The following SLIT3 variants were observed in gnomAD, a reference collection of about 807,000 sequenced individuals.
SLIT3 encodes slit homolog 3 protein.
SLIT3 carries 68 observed loss-of-function variants against 184.0 expected under a neutral mutation model. That is an observed-to-expected ratio of 0.37 (90% CI 0.30 to 0.45). SLIT3 has a LOEUF of 0.45. Among genes scored for constraint, SLIT3 ranks in the 20% least tolerant of loss-of-function variants. The pLI is 1.00. For synonymous variants in SLIT3, 831 were observed against 828.6 expected (o/e 1.00, Z -0.05); for missense variants, 1,707 against 2,026.0 (o/e 0.84, Z 3.02).
intron 4 of SLIT3, among the ~76,000 whole-genome samples, chr5:169,049,040 G>C (rs954472023): frequency 6.6e-6 from 1 of 152,136 alleles, no homozygotes; most frequent in African/African-American, 2.4e-5. Context: ...AGAATAGTCG[G>C]GCAGTTTCTT....
intron 5 of SLIT3, among the ~76,000 whole-genome samples, chr5:168,872,002 T>A (rs1283244254): frequency 6.6e-6 from 1 of 152,174 alleles, no homozygotes; most frequent in Non-Finnish European, 1.5e-5. Context: ...TGGTCTTTTC[T>A]CTGAAGGAGA....
chr5:168,748,304 C>T lies in SLIT3; in HGVS notation c.2268G>A (p.Glu756=), dbSNP rs1427470847. ...TGGAGGCAGCTGGGGGTACTTACAG[C>T]TCGGTCACATCCTTGGGCATGCCTC... ...LPRGMPKDVT[E]LYLEGNHLTA... Residue 756 remains glutamate, a splice_region_variant and synonymous_variant, in exon 20 of 36, where the codon GAG becomes GAA. Transcript: ENST00000519560. 3 of 1,468,360 alleles carry T rather than the reference C, an allele frequency of 2.0e-6. No individual in the cohort carries two copies. In the African/African-American group the frequency reaches 4.4e-5, roughly 22 times the overall value. The allele number at this position is 1,468,360 out of a possible 1,614,324, so 91.0% of individuals were successfully genotyped here.
At chr5:168,794,561 C>T (rs550032955) in intron 10 of SLIT3, among the ~76,000 whole-genome samples, 10 of 152,116 alleles carry the variant, frequency 6.6e-5, no homozygotes, top group South Asian at 2.1e-4. Flanking sequence ...TGGTATCACC[C>T]GGCACTGATG....
At chr5:168,744,564 A>C (rs1202380796) in intron 20 of SLIT3, among the ~76,000 whole-genome samples, 1 of 152,188 alleles carries the variant, frequency 6.6e-6, no homozygotes, top group African/African-American at 2.4e-5. Flanking sequence ...GTTAGGGGCC[A>C]CTGCTGATGG....
At chr5:169,090,443 G>A (rs1284586729) in intron 4 of SLIT3, among the ~76,000 whole-genome samples, 1 of 152,142 alleles carries the variant, frequency 6.6e-6, no homozygotes, top group East Asian at 1.9e-4. Flanking sequence ...AGCAGAGCAG[G>A]TGAAGGAAGA....
intron 4 of SLIT3, among the ~76,000 whole-genome samples, chr5:169,032,430 A>G (rs765530651): frequency 4.6e-5 from 7 of 152,144 alleles, no homozygotes; most frequent in Non-Finnish European, 8.8e-5. Context: ...TAGAACAATC[A>G]CATTTGCTCA....
intron 4 of SLIT3, among the ~76,000 whole-genome samples, chr5:168,928,642 C>T (rs1982062): frequency 0.49 from 74,777 of 152,086 alleles, 20,580 homozygotes; most frequent in African/African-American, 0.76. Flanking sequence ...CCTTTAAAAA[C>T]ATATCTCCAG....
intron 26 of SLIT3, chr5:168,707,213 T>G (rs186416419): frequency 1.3e-5 from 2 of 152,440 alleles, no homozygotes; most frequent in East Asian, 3.9e-4. Context: ...AGTCTCCATA[T>G]CCGTAAAAAG....
At chr5:169,107,054 C>T (rs574475118) in intron 4 of SLIT3, among the ~76,000 whole-genome samples, 2 of 152,316 alleles carry the variant, frequency 1.3e-5, no homozygotes, top group Admixed American at 1.3e-4. Flanking sequence ...AGGAAATGGT[C>T]GCTGCTGGGC....
At chr5:169,027,664 A>C (rs2113511668) in intron 4 of SLIT3, among the ~76,000 whole-genome samples, 1 of 152,234 alleles carries the variant, frequency 6.6e-6, no homozygotes, top group Middle Eastern at 3.4e-3. Context: ...AGCCTGGTCC[A>C]ATTTGCTTGT....
At chr5:168,754,071 G>A (rs967392919) in intron 16 of SLIT3, 64 bp from the exon 17 acceptor site, 9 of 1,493,964 alleles carry the variant, frequency 6.0e-6, no homozygotes, top group South Asian at 2.5e-5. Context: ...GCCGGGAGGG[G>A]ATGACTTGCC....
intron 8 of SLIT3, 135 bp downstream of exon 8, chr5:168,817,164 CT>C (rs1368183632): frequency 1.4e-6 from 1 of 724,994 alleles, no homozygotes; most frequent in African/African-American, 1.8e-5. Flanking sequence ...CTACTGAGTA[CT>C]GAGGACGACC....
chr5:169,125,596 C>T (rs1761050320), intron 4 of SLIT3, among the ~76,000 whole-genome samples: 2 of 152,146 alleles, frequency 1.3e-5, no homozygotes, highest in Non-Finnish European at 2.9e-5. Context: ...CCCTGGCTTC[C>T]ACACTCACGG....
rs568768235 is a variant in SLIT3 at position 169,084,665 on chromosome 5, A to G, written c.413+108814T>C. On this transcript the variant is annotated intron_variant, in intron 4 of 35. Transcript: ENST00000519560. The stretch of plus-strand genomic sequence containing the variant: ...AAATGTTCAGTTTCTTTTGAAAAAC[A>G]AAACCAAAAACCAGAAGCTGCAGCA... 9.8e-5 allele frequency among the ~76,000 whole-genome samples: 15 copies of G among 152,306 alleles called. No individual in the cohort carries two copies. In the South Asian group the frequency reaches 2.9e-3, roughly 29 times the overall value.
chr5:169,253,667 T>C (rs1267827339), intron 1 of SLIT3, among the ~76,000 whole-genome samples: 2 of 152,186 alleles, frequency 1.3e-5, no homozygotes, highest in Non-Finnish European at 2.9e-5. Context: ...ATGGCAGCTA[T>C]TACTGTAATT....
At chr5:168,922,456 C>CAAAA (rs34132541) in intron 4 of SLIT3, among the ~76,000 whole-genome samples, 951 of 82,004 alleles carry the variant, frequency 0.012, 38 homozygotes, top group African/African-American at 0.045. Flanking sequence ...GACTCTGTCT[C>CAAAA]AAAAAAAAAA....
chr5:169,174,799 C>T (rs966848906), intron 4 of SLIT3, among the ~76,000 whole-genome samples: 12 of 152,280 alleles, frequency 7.9e-5, no homozygotes, highest in Admixed American at 6.5e-4. Context: ...AGCCTGTCCT[C>T]ACCTGTCCCA....
intron 4 of SLIT3, among the ~76,000 whole-genome samples, chr5:169,183,390 A>G (rs1249340051): frequency 6.6e-6 from 1 of 152,208 alleles, no homozygotes; most frequent in Non-Finnish European, 1.5e-5. Context: ...ATGTACCACC[A>G]TGGCCAAGAT....
At chr5:169,092,586 A>AG (rs2113206964) in intron 4 of SLIT3, among the ~76,000 whole-genome samples, 1 of 152,336 alleles carries the variant, frequency 6.6e-6, no homozygotes, top group African/African-American at 2.4e-5. Flanking sequence ...GAGACACACT[A>AG]GCCTGAGACT....
Sources: allele counts gnomAD v4.1 joint callset (sites outside exome capture counted in the v4.1 genomes callset), GRCh38; gene constraint gnomAD v4.1.1; transcripts MANE v1.5; gene names NCBI Gene and HGNC (gene_info 2026-07-23, HGNC 2026-07-21).